CIMAP2: variants seen among roughly 807,000 people sequenced by gnomAD.
The protein encoded by CIMAP2 is ciliary microtubule-associated protein 2.
the CIMAP2 span, chr1:54,812,140 T>C: frequency 1.9e-6 from 3 of 1,614,072 alleles, no homozygotes; most frequent in Admixed American, 1.7e-5. Context: ...TATGACACTT[T>C]CTCTGGTGAT....
At chr1:54,814,389 T>G in the CIMAP2 span, among the ~76,000 whole-genome samples, 13 of 151,960 alleles carry the variant, frequency 8.6e-5, no homozygotes, top group East Asian at 2.5e-3. Flanking sequence ...CCCAAGGGAG[T>G]GGTGCACTCG....
At chr1:54,818,006 G>A in the CIMAP2 span, among the ~76,000 whole-genome samples, 2 of 152,164 alleles carry the variant, frequency 1.3e-5, no homozygotes, top group Admixed American at 1.3e-4. Context: ...AAAATTCTAG[G>A]TTGGATATAA....
At chr1:54,810,567 C>T in the CIMAP2 span, among the ~76,000 whole-genome samples, 1 of 152,176 alleles carries the variant, frequency 6.6e-6, no homozygotes, top group African/African-American at 2.4e-5. Flanking sequence ...GGTCCCTGCC[C>T]TTCCCGCCCC....
the CIMAP2 span, chr1:54,807,538 C>T: frequency 2.3e-5 from 36 of 1,575,182 alleles, no homozygotes; most frequent in Admixed American, 5.6e-5. Context: ...CCACATAGGC[C>T]CTGGGACTTA....
At chr1:54,831,960 C>T in the CIMAP2 span, among the ~76,000 whole-genome samples, 2 of 152,228 alleles carry the variant, frequency 1.3e-5, no homozygotes, top group Non-Finnish European at 2.9e-5. Flanking sequence ...AATCCTCCCA[C>T]CTCAGCCTTC....
chr1:54,813,765 C>T, the CIMAP2 span: 2 of 1,538,164 alleles, frequency 1.3e-6, no homozygotes, highest in African/African-American at 2.8e-5. Flanking sequence ...GAGAAAGGAG[C>T]TCTTGATTTT....
chr1:54,829,709 A>G, the CIMAP2 span, among the ~76,000 whole-genome samples: 1 of 151,958 alleles, frequency 6.6e-6, no homozygotes, highest in Non-Finnish European at 1.5e-5. Context: ...TTTAAGAGTT[A>G]TTTTTTGTCT....
the CIMAP2 span, among the ~76,000 whole-genome samples, chr1:54,821,233 A>G: frequency 6.6e-6 from 1 of 151,980 alleles, no homozygotes; most frequent in Admixed American, 6.6e-5. Flanking sequence ...TTAGTTTAAT[A>G]TAGTCCTATT....
At chr1:54,821,832 G>C in the CIMAP2 span, among the ~76,000 whole-genome samples, 1 of 149,090 alleles carries the variant, frequency 6.7e-6, no homozygotes, top group African/African-American at 2.5e-5. Flanking sequence ...CATGTTGTCT[G>C]CAAGGAGGGA....
At chr1:54,834,942 CCTAT>C in the CIMAP2 span, among the ~76,000 whole-genome samples, 11 of 152,188 alleles carry the variant, frequency 7.2e-5, no homozygotes, top group Admixed American at 5.2e-4. Context: ...TATCTTTCTA[CCTAT>C]CTGTCTATCC....
At chr1:54,839,607 A>G in the CIMAP2 span, among the ~76,000 whole-genome samples, 1 of 151,974 alleles carries the variant, frequency 6.6e-6, no homozygotes, top group African/African-American at 2.4e-5. Context: ...CAAACTCTTG[A>G]CCTCAGGTGA....
At chr1:54,811,283 G>T in the CIMAP2 span, among the ~76,000 whole-genome samples, 12 of 152,290 alleles carry the variant, frequency 7.9e-5, no homozygotes, top group African/African-American at 2.9e-4. Flanking sequence ...GGGGTGTAAA[G>T]GTTGGAATTG....
chr1:54,812,073 T>C, the CIMAP2 span: 1 of 1,614,136 alleles, frequency 6.2e-7, no homozygotes, highest in South Asian at 1.1e-5. Context: ...CGGCACCTAC[T>C]TCTTCAAAAG....
the CIMAP2 span, among the ~76,000 whole-genome samples, chr1:54,828,821 C>T: frequency 3.9e-5 from 6 of 152,046 alleles, no homozygotes; most frequent in Non-Finnish European, 5.9e-5. Flanking sequence ...GCCTGAATAA[C>T]TGGATGAAAA....
the CIMAP2 span, chr1:54,815,172 C>T: frequency 9.8e-6 from 13 of 1,328,048 alleles, no homozygotes; most frequent in Admixed American, 4.5e-5. Flanking sequence ...CCCCAAGGGA[C>T]CTGAGGTCCA....
chr1:54,831,667 G>A, the CIMAP2 span, among the ~76,000 whole-genome samples: 5 of 151,948 alleles, frequency 3.3e-5, no homozygotes, highest in Admixed American at 6.6e-5. Flanking sequence ...AAAAAAGAAA[G>A]GGGAAGACAT....
chr1:54,811,717 C>T, the CIMAP2 span: 3 of 1,409,688 alleles, frequency 2.1e-6, no homozygotes, highest in South Asian at 3.5e-5. Flanking sequence ...ATGGCAATCT[C>T]AGGTGTCTGT....
chr1:54,837,251 C>T, the CIMAP2 span, among the ~76,000 whole-genome samples: 1 of 152,070 alleles, frequency 6.6e-6, no homozygotes, highest in African/African-American at 2.4e-5. Flanking sequence ...CATAGGTAGC[C>T]TGGACTCCAC....
At chr1:54,828,109 A>T in the CIMAP2 span, among the ~76,000 whole-genome samples, 2 of 152,228 alleles carry the variant, frequency 1.3e-5, no homozygotes, top group African/African-American at 2.4e-5. Context: ...ATAAGACAGG[A>T]AAAATAAATA....
Sources: allele counts gnomAD v4.1 joint callset (sites outside exome capture counted in the v4.1 genomes callset), GRCh38; gene constraint gnomAD v4.1.1; transcripts MANE v1.5; gene names NCBI Gene and HGNC (gene_info 2026-07-23, HGNC 2026-07-21).